Variants in HSP90AA1 observed in about 807,000 individuals in gnomAD.
HSP90AA1 encodes heat shock protein HSP 90-alpha.
Under a neutral mutation model 73.3 loss-of-function variants are expected in HSP90AA1, and 18 were observed. The observed-to-expected ratio is 0.25, with a 90% confidence interval of 0.17 to 0.36. The LOEUF is 0.36. Ranked by LOEUF, HSP90AA1 falls within the 10% of genes least tolerant of loss-of-function variation. HSP90AA1 has a pLI of 1.00. For missense variants in HSP90AA1, 704 were observed against 874.2 expected (o/e 0.81, Z 2.45); for synonymous variants, 477 against 296.9 (o/e 1.61, Z -6.24).
At chr14:102,087,936 T>G (rs897561466), upstream of HSP90AA1, among the ~76,000 whole-genome samples, 48 of 131,140 alleles carry the variant, frequency 3.7e-4, no homozygotes, top group South Asian at 2.9e-4. Flanking sequence ...AAAAGGTTTT[T>G]TTTTTTTTTT....
At chr14:102,085,705 C>G in intron 3 of HSP90AA1, 53 bp downstream of exon 3, 1 of 1,611,572 alleles carries the variant, frequency 6.2e-7, no homozygotes, top group Non-Finnish European at 8.5e-7. Context: ...CCAAGGGTTG[C>G]AGCACCCCAC....
chr14:102,139,333 G>C (rs2050171284), exon 1 of HSP90AA1: 1 of 1,613,358 alleles, frequency 6.2e-7, no homozygotes, highest in South Asian at 1.1e-5. Flanking sequence ...CAGCACTCTG[G>C]GCGGGACAGT....
At chr14:102,114,425 T>A in intron 1 of HSP90AA1, among the ~76,000 whole-genome samples, 1 of 152,162 alleles carries the variant, frequency 6.6e-6, no homozygotes, top group East Asian at 1.9e-4. Flanking sequence ...AGCACATGGT[T>A]TACAGGATTT....
chr14:102,134,784 C>A (rs2049961390), intron 1 of HSP90AA1, among the ~76,000 whole-genome samples: 1 of 152,136 alleles, frequency 6.6e-6, no homozygotes, highest in Admixed American at 6.6e-5. Context: ...AGATTTATTG[C>A]AAAGGGAGAA....
chr14:102,132,091 G>A (rs532160044), intron 1 of HSP90AA1, among the ~76,000 whole-genome samples: 6 of 152,236 alleles, frequency 3.9e-5, no homozygotes, highest in South Asian at 2.1e-4. Context: ...AAAAATGGCC[G>A]GGTATGGCGG....
chr14:102,087,354 GC>G (rs983520853), upstream of HSP90AA1, among the ~76,000 whole-genome samples: 6 of 151,048 alleles, frequency 4.0e-5, no homozygotes, highest in African/African-American at 1.5e-4. Flanking sequence ...GCCTTCTGGG[GC>G]CGCCCGCGCC....
In HSP90AA1 at chr14:102,095,041, A is replaced by T. The variant is rs35704592; in HGVS notation, c.366+6834T>A. ...ACATAGGGCTCAGGCAGATGATGGC[A>T]GGTGACCCTTGCCAATGGTTCAGTG... On this transcript the variant is annotated intron_variant, in intron 2 of 11. Transcript: ENST00000334701. Among the ~76,000 whole-genome samples the T allele has an allele frequency of 5.4e-3, 823 of 152,308 alleles. 9 individuals are homozygous for T. Among genetic ancestry groups the T allele is most frequent in the African/African-American group, 0.019 (785 of 41,568 alleles).
At position 102,083,563 on chromosome 14, in the gene HSP90AA1, T is replaced by C. The variant is rs767990126; in HGVS notation, c.1469A>G (p.His490Arg). The part of the protein sequence containing the change: ...YCTRMKENQK[H>R]IYYITGETKD... ...TCTCTTACCTGTGATATAATAGATA[T>C]GTTTCTGGTTCTCCTTCATTCTGGT... Residue 490 changes from histidine (H) to arginine (R), a missense_variant, in exon 8 of 11, where the codon CAT (histidine) becomes CGT (arginine). His to Arg is a conservative substitution (Grantham distance 29). Transcript: ENST00000216281. 13 of 1,613,752 alleles carry C rather than the reference T, an allele frequency of 8.1e-6. No individual in the cohort carries two copies. In the Admixed American group the frequency reaches 1.0e-4, roughly 12 times the overall value.
rs761853570 is a variant in HSP90AA1, at chr14:102,086,286, T to C, written c.93A>G (p.Ser31=). 8.1e-6 allele frequency: 13 copies of C among 1,613,434 alleles called. No homozygotes were observed. Among genetic ancestry groups the C allele is most frequent in the East Asian group, 4.5e-5 (2 of 44,878 alleles). The change falls in exon 2 of 11, where the codon TCA becomes TCG. Residue 31 remains serine (S), a synonymous_variant. Coordinates refer to ENST00000216281, the MANE Select transcript of HSP90AA1 (RefSeq NM_005348.4). ...AFQAEIAQLM[S]LIINTFYSNK... is the part of the protein sequence containing the mutation. ...TCGAGTAGAAAGTATTGATGATCAA[T>C]GACATCAACTGGGCAATTTCTGCCT...
upstream of HSP90AA1, among the ~76,000 whole-genome samples, chr14:102,089,498 G>T (rs984195099): frequency 6.6e-6 from 1 of 152,140 alleles, no homozygotes; most frequent in Non-Finnish European, 1.5e-5. Context: ...CCATCAACAC[G>T]CCAGCCCCTG....
intron 2 of HSP90AA1, among the ~76,000 whole-genome samples, chr14:102,094,389 G>C (rs2049397565): frequency 6.6e-6 from 1 of 152,180 alleles, no homozygotes; most frequent in African/African-American, 2.4e-5. Flanking sequence ...AGCAAAATTG[G>C]GTCCTGACCA....
intron 1 of HSP90AA1, among the ~76,000 whole-genome samples, chr14:102,135,738 G>A (rs1200980799): frequency 6.6e-6 from 1 of 152,236 alleles, no homozygotes; most frequent in African/African-American, 2.4e-5. Context: ...GTACACCTCC[G>A]CAGCCACTGG....
intron 1 of HSP90AA1, among the ~76,000 whole-genome samples, chr14:102,138,182 C>A (rs2050071169): frequency 6.7e-6 from 1 of 149,246 alleles, no homozygotes; most frequent in Admixed American, 6.9e-5. Flanking sequence ...AAGAATAATA[C>A]AAAATTTTGT....
intron 1 of HSP90AA1, among the ~76,000 whole-genome samples, chr14:102,118,854 C>CTTT (rs11298881): frequency 2.8e-5 from 3 of 107,150 alleles, no homozygotes; most frequent in Non-Finnish European, 5.9e-5. Flanking sequence ...CTTTTCCTTC[C>CTTT]TTTTTTTTTT....
At chr14:102,094,093 C>T (rs920174775) in intron 2 of HSP90AA1, among the ~76,000 whole-genome samples, 3 of 152,128 alleles carry the variant, frequency 2.0e-5, no homozygotes, top group East Asian at 1.9e-4. Context: ...ACTATAAAAT[C>T]GGGATGCTTC....
intron 1 of HSP90AA1, among the ~76,000 whole-genome samples, chr14:102,130,717 T>C (rs1351858223): frequency 1.3e-5 from 2 of 152,126 alleles, no homozygotes; most frequent in East Asian, 1.9e-4. Context: ...TTTAGGTCTT[T>C]AATTCATTCT....
chr14:102,132,292 G>C (rs1015057916), intron 1 of HSP90AA1, among the ~76,000 whole-genome samples: 3 of 152,104 alleles, frequency 2.0e-5, no homozygotes, highest in Admixed American at 6.5e-5. Context: ...GCTTGAACCC[G>C]GGTGGTGGAG....
chr14:102,091,021 A>G (rs897969217), upstream of HSP90AA1, among the ~76,000 whole-genome samples: 29 of 152,220 alleles, frequency 1.9e-4, no homozygotes, highest in African/African-American at 7.0e-4. Flanking sequence ...TAGCATAGAC[A>G]TGAACATGTC....
chr14:102,080,878 T>C lies in HSP90AA1; in HGVS notation c.*834A>G. The C allele has an allele frequency of 4.4e-6, 1 of 228,966 alleles. No homozygotes were observed. Among genetic ancestry groups the C allele is most frequent in the Non-Finnish European group, 8.7e-6 (1 of 115,330 alleles). 14.2% of individuals were successfully genotyped at this position (228,966 alleles called of 1,614,324 possible). A position where few individuals can be genotyped will look rare whatever the true frequency, so the allele number is the denominator to read the frequency against. On this transcript the variant is annotated 3_prime_UTR_variant, in exon 11 of 11. Coordinates refer to ENST00000216281, the MANE Select transcript of HSP90AA1 (RefSeq NM_005348.4). ...TGTCTGCATTCCTGTTTTCTGTGCC[T>C]ACGTGTGCTCCACCCCACACCTGCT...
Sources: allele counts gnomAD v4.1 joint callset (sites outside exome capture counted in the v4.1 genomes callset), GRCh38; gene constraint gnomAD v4.1.1; transcripts MANE v1.5; gene names NCBI Gene and HGNC (gene_info 2026-07-23, HGNC 2026-07-21).